The following TRIP10 variants were observed in gnomAD, a reference collection of about 807,000 sequenced individuals.
TRIP10 encodes the protein thyroid hormone receptor interactor 10.
Under a neutral mutation model 80.9 loss-of-function variants are expected in TRIP10, and 54 were observed. That is an observed-to-expected ratio of 0.67 (90% confidence interval 0.54 to 0.84). The LOEUF is 0.84. TRIP10 is among the 40% of genes least tolerant of loss of function. The probability of loss-of-function intolerance (pLI) is 0.00; values close to 1 mark genes in which losing one functional copy is unlikely to be tolerated. For synonymous variants in TRIP10, 321 were observed against 307.2 expected (o/e 1.04, Z -0.47); for missense variants, 773 against 815.3 (o/e 0.95, Z 0.63).
chr19:6,745,177 AAGGCGGGGGC>A lies in TRIP10; in HGVS notation c.984+187_984+196del. The A allele has an allele frequency of 1.2e-6, 1 of 822,068 alleles. No homozygotes were observed. Among genetic ancestry groups the A allele is most frequent in the South Asian group, 1.9e-5 (1 of 51,414 alleles). 50.9% of individuals were successfully genotyped at this position (822,068 alleles called of 1,614,324 possible). A position where few individuals can be genotyped will look rare whatever the true frequency, so the allele number is the denominator to read the frequency against. On this transcript the variant is annotated intron_variant, in intron 9 of 14. Transcript: ENST00000313244. This position sits in a 1 kb window ranked among gnomAD's most constrained non-coding sequence, Gnocchi z 7.2. Reference sequence around the variant, plus strand: ...ATTGGCCTGGGAGTCCCCCGAGGCGAAGGCGGGGGCAGGGTGGGGAGGTGGGGAGGTCCGT... The same window carrying A: ...ATTGGCCTGGGAGTCCCCCGAGGCGAAGGGTGGGGAGGTGGGGAGGTCCGT...
At chr19:6,750,143 G>GGGGGGT in intron 12 of TRIP10, 77 bp downstream of exon 12, 1 of 842,274 alleles carries the variant, frequency 1.2e-6, no homozygotes. Context: ...GGGGGTCGGG[G>GGGGGGT]ACAGGGGAGG....
At position 6,745,875 on chromosome 19, in the gene TRIP10, T is replaced by C; in HGVS notation, c.985-154T>C. 1 of 985,404 alleles carries C rather than the reference T, an allele frequency of 1.0e-6. No homozygotes were observed. Among genetic ancestry groups the C allele is most frequent in the Non-Finnish European group, 1.2e-6 (1 of 829,932 alleles). The allele number at this position is 985,404 out of a possible 1,614,324, so 61.0% of individuals were successfully genotyped here. ...TGAGTTGTGGTTTTCTTACCGTTTT[T>C]TTTCTTTCTCCATTTTGTTTTTCCT... On this transcript the variant is annotated intron_variant, in intron 9 of 14. Transcript: ENST00000313244. The surrounding 1 kb of genome is among the most constrained non-coding windows in gnomAD (Gnocchi z 7.2).
chr19:6,745,100 A>G lies in TRIP10; in HGVS notation c.984+106A>G, dbSNP rs1458718982. On this transcript the variant is annotated intron_variant, in intron 9 of 14. Transcript: ENST00000313244. This position sits in a 1 kb window ranked among gnomAD's most constrained non-coding sequence, Gnocchi z 7.2. ...GCCGCCTGAACGCCGAGTCTCGGGCAGGAATTTTCCTCTTGGCTGCCAGCC... is the reference window on the plus strand; with the variant it reads ...GCCGCCTGAACGCCGAGTCTCGGGCGGGAATTTTCCTCTTGGCTGCCAGCC... 55 of 1,396,364 alleles carry G rather than the reference A, an allele frequency of 3.9e-5. No individual in the cohort carries two copies. Among genetic ancestry groups the G allele is most frequent in the Non-Finnish European group, 4.6e-5 (49 of 1,059,012 alleles). 86.5% of individuals were successfully genotyped at this position (1,396,364 alleles called of 1,614,324 possible).
At chr19:6,742,489 A>G (rs183793638) in intron 3 of TRIP10, among the ~76,000 whole-genome samples, 17 of 152,086 alleles carry the variant, frequency 1.1e-4, no homozygotes, top group African/African-American at 3.9e-4. Context: ...CATCTTTAAA[A>G]ACTGGAAAAT....
Position 6,746,003 on chromosome 19 carries a change from T to TACCCCACCCCCGCCCCC in TRIP10, c.985-26_985-25insACCCCACCCCCGCCCCC. The stretch of plus-strand genomic sequence containing the variant: ...TATGCCCCCCCACCCCTTCAACCTA[T>TACCCCACCCCCGCCCCC]CCCCCTCCCCGGCCCCCGCCGGTAG... On this transcript the variant is annotated intron_variant, in intron 9 of 14. Coordinates refer to ENST00000313244, the MANE Select transcript of TRIP10 (RefSeq NM_001288962.2). This position sits in a 1 kb window ranked among gnomAD's most constrained non-coding sequence, Gnocchi z 6.2. The TACCCCACCCCCGCCCCC allele has an allele frequency of 2.5e-6, 1 of 396,724 alleles. No homozygotes were observed. The allele number at this position is 396,724 out of a possible 1,614,324, so 24.6% of individuals were successfully genotyped here.
intron 3 of TRIP10, among the ~76,000 whole-genome samples, chr19:6,741,986 T>G (rs965840370): frequency 5.9e-5 from 9 of 151,988 alleles, no homozygotes; most frequent in African/African-American, 2.2e-4. Context: ...CCCAGCTAAT[T>G]TTTATATTTT....
At chr19:6,741,332 T>A (rs2145530840) in intron 3 of TRIP10, 51 bp downstream of exon 3, 1 of 1,565,010 alleles carries the variant, frequency 6.4e-7, no homozygotes. Context: ...AAGGCGGTGC[T>A]TGGGTCTCAC....
chr19:6,746,213 G>A lies in TRIP10; in HGVS notation c.1152+17G>A. ...AGCCGTGGGGTAAGTGAGGCCTCGG[G>A]GCAGGAGGAGGTGGTGGCCCTAGCC... On this transcript the variant is annotated intron_variant, in intron 10 of 14. Coordinates refer to ENST00000313244, the MANE Select transcript of TRIP10 (RefSeq NM_001288962.2). This position sits in a 1 kb window ranked among gnomAD's most constrained non-coding sequence, Gnocchi z 6.2. The A allele has an allele frequency of 6.6e-7, 1 of 1,512,644 alleles. No homozygotes were observed. The highest frequency in any genetic ancestry group is 8.9e-7 in the Non-Finnish European group (1 of 1,124,286). The allele number at this position is 1,512,644 out of a possible 1,614,324, so 93.7% of individuals were successfully genotyped here.
Position 6,741,044 on chromosome 19 carries a change from G to A in TRIP10, c.59G>A (p.Trp20Ter), listed in dbSNP as rs763028340. 6.2e-7 allele frequency: 1 copy of A among 1,613,940 alleles called. No individual in the cohort carries two copies. Among genetic ancestry groups the A allele is most frequent in the South Asian group, 1.1e-5 (1 of 91,084 alleles). The change falls in exon 2 of 15, where the codon TGG (tryptophan) becomes TAG (stop). Residue 20 changes from tryptophan to a stop codon, truncating the protein, a stop_gained. Transcript: ENST00000313244. LOFTEE classifies it high-confidence loss of function. ...GAGGTGCTCGAGCGCCACACGCAGT[G>A]GGGGCTGGACCTGTTGGACAGATAT... ...QFEVLERHTQ[W>*]GLDLLDRYVK...
rs758143129 is a variant in TRIP10, at chr19:6,750,367, G to A, written c.1471G>A (p.Asp491Asn). The change falls in exon 13 of 15, where the codon GAC becomes AAC. Residue 491 changes from aspartate (D) to asparagine (N), a missense_variant. Transcript: ENST00000313244. ...CCTGAGCCGGCACGCCCGGCCTCCC[G>A]ACCCCCCCGCTAGCGCCCCGCCAGA... ...DSLSRHARPP[D>N]PPASAPPDSS... 82 of 1,613,792 alleles carry A rather than the reference G, an allele frequency of 5.1e-5. No individual in the cohort carries two copies. The highest frequency in any genetic ancestry group is 6.4e-5 in the Non-Finnish European group (76 of 1,179,968).
Position 6,745,147 on chromosome 19 carries a change from G to T in TRIP10, c.984+153G>T. On this transcript the variant is annotated intron_variant, in intron 9 of 14. Transcript: ENST00000313244. The surrounding 1 kb of genome is among the most constrained non-coding windows in gnomAD (Gnocchi z 7.2). ...AGCCCGGACTGGAGGGAAGGAAGGC[G>T]GCCGATTGGCCTGGGAGTCCCCCGA... 6.8e-6 allele frequency: 7 copies of T among 1,023,090 alleles called. No individual in the cohort carries two copies. The highest frequency in any genetic ancestry group is 3.2e-4 in the Middle Eastern group (1 of 3,096). The allele number at this position is 1,023,090 out of a possible 1,614,324, so 63.4% of individuals were successfully genotyped here.
At chr19:6,747,187 G>A (rs1191605894) in intron 11 of TRIP10, among the ~76,000 whole-genome samples, 1 of 152,148 alleles carries the variant, frequency 6.6e-6, no homozygotes, top group Admixed American at 6.5e-5. Flanking sequence ...AGCTGGGTGT[G>A]GTGGTTTGTG....
In TRIP10 at chr19:6,741,415, G is replaced by A. The variant is rs1968916196; in HGVS notation, c.197+134G>A. 3 of 1,046,248 alleles carry A rather than the reference G, an allele frequency of 2.9e-6. No homozygotes were observed. In the East Asian group the frequency reaches 7.8e-5, roughly 27 times the overall value. 64.8% of individuals were successfully genotyped at this position (1,046,248 alleles called of 1,614,324 possible). A position where few individuals can be genotyped will look rare whatever the true frequency, so the allele number is the denominator to read the frequency against. Reference sequence around the variant, plus strand: ...TCTAGAGGTGAGAGCATGGATGCAAGATGCGGGATTATCTGGCTTGGAATC... The same window carrying A: ...TCTAGAGGTGAGAGCATGGATGCAAAATGCGGGATTATCTGGCTTGGAATC... On this transcript the variant is annotated intron_variant, in intron 3 of 14. Transcript: ENST00000313244.
In TRIP10 at chr19:6,743,480, T is replaced by C. The variant is rs1038774617; in HGVS notation, c.409-14T>C. On this transcript the variant is annotated splice_polypyrimidine_tract_variant and intron_variant, in intron 5 of 14. Transcript: ENST00000313244. The stretch of plus-strand genomic sequence containing the variant: ...GATGGTGGCTCCCTCACTCCGGTTC[T>C]GTCCCCTACACAGAGTAAGCGTAAA... The C allele has an allele frequency of 1.9e-6, 3 of 1,613,388 alleles. No homozygotes were observed.
At chr19:6,750,697 TA>T in intron 14 of TRIP10, 64 bp downstream of exon 14, 2 of 1,593,522 alleles carry the variant, frequency 1.3e-6, no homozygotes, top group Non-Finnish European at 1.7e-6. Flanking sequence ...AGGTTCAGTT[TA>T]AATTCGCCTA....
At chr19:6,747,156 T>G (rs1272698622) in intron 11 of TRIP10, among the ~76,000 whole-genome samples, 1 of 152,072 alleles carries the variant, frequency 6.6e-6, no homozygotes, top group East Asian at 1.9e-4. Flanking sequence ...AGACCCCATT[T>G]CTAGCAAAAA....
intron 14 of TRIP10, among the ~76,000 whole-genome samples, 157 bp downstream of exon 14, chr19:6,750,790 A>T (rs1309222842): frequency 6.6e-6 from 1 of 152,098 alleles, no homozygotes; most frequent in African/African-American, 2.4e-5. Context: ...GAGGTCAAGA[A>T]TTCCATACCA....
At chr19:6,740,669 G>T in intron 1 of TRIP10, 1 of 254,434 alleles carries the variant, frequency 3.9e-6, no homozygotes, top group Non-Finnish European at 7.7e-6. Flanking sequence ...CGCCGGGCCG[G>T]CCGGATTTTC....
At chr19:6,742,029 G>A (rs2145532635) in intron 3 of TRIP10, among the ~76,000 whole-genome samples, 1 of 151,770 alleles carries the variant, frequency 6.6e-6, no homozygotes, top group East Asian at 1.9e-4. Flanking sequence ...TGTTAGCCAG[G>A]CTGGTAATTG....
Sources: allele counts gnomAD v4.1 joint callset (sites outside exome capture counted in the v4.1 genomes callset), GRCh38; gene constraint gnomAD v4.1.1; non-coding constraint Gnocchi (gnomAD v3.1); transcripts MANE v1.5; gene names NCBI Gene and HGNC (gene_info 2026-07-23, HGNC 2026-07-21).